The following STAG1 variants were observed in gnomAD, a reference collection of about 807,000 sequenced individuals.
The protein encoded by STAG1 is STAG1 cohesin complex component.
A neutral mutation model predicts 170.9 loss-of-function variants in STAG1; 26 were observed. The observed-to-expected ratio is 0.15, with a 90% CI of 0.11 to 0.21. The LOEUF (loss-of-function observed/expected upper bound fraction) is 0.21, where lower values mean the gene tolerates loss of function less well. Ranked by LOEUF, STAG1 falls within the 10% of genes least tolerant of loss-of-function variation. The pLI is 1.00. For synonymous variants in STAG1, 514 were observed against 497.7 expected, an observed-to-expected ratio of 1.03 and a Z score of -0.44; for missense variants, 964 against 1,509.5, an observed-to-expected ratio of 0.64 and a Z score of 5.99.
At chr3:136,565,384 T>G (rs991666145) in intron 5 of STAG1, among the ~76,000 whole-genome samples, 2 of 152,182 alleles carry the variant, frequency 1.3e-5, no homozygotes, top group Non-Finnish European at 2.9e-5. Flanking sequence ...TGTATATTTC[T>G]TCAAAGAAAA....
At chr3:136,368,373 A>T (rs1937160617) in intron 24 of STAG1, among the ~76,000 whole-genome samples, 2 of 152,204 alleles carry the variant, frequency 1.3e-5, no homozygotes, top group African/African-American at 4.8e-5. Flanking sequence ...CTGCAGGCAT[A>T]GCACAATTTT....
intron 1 of STAG1, among the ~76,000 whole-genome samples, chr3:136,650,868 T>A (rs4521165): frequency 6.6e-6 from 1 of 150,708 alleles, no homozygotes; most frequent in African/African-American, 2.4e-5. Context: ...TAAAAAAGTG[T>A]CATTAAGAGA....
At chr3:136,407,540 C>A (rs1463381885) in intron 21 of STAG1, among the ~76,000 whole-genome samples, 1 of 152,094 alleles carries the variant, frequency 6.6e-6, no homozygotes, top group Non-Finnish European at 1.5e-5. Flanking sequence ...TGGCTCACTG[C>A]AACCTCTGCC....
chr3:136,624,462 T>C (rs978146231), intron 2 of STAG1, among the ~76,000 whole-genome samples: 1 of 152,136 alleles, frequency 6.6e-6, no homozygotes, highest in African/African-American at 2.4e-5. Flanking sequence ...ACATGAAAGG[T>C]GGTTTCTATT....
chr3:136,570,159 T>C (rs753046881), intron 4 of STAG1, among the ~76,000 whole-genome samples: 5 of 152,198 alleles, frequency 3.3e-5, no homozygotes, highest in Non-Finnish European at 7.4e-5. Flanking sequence ...AAGATGAAGA[T>C]ATAAAACATT....
At chr3:136,448,703 C>A (rs1021054338) in intron 14 of STAG1, among the ~76,000 whole-genome samples, 1 of 152,138 alleles carries the variant, frequency 6.6e-6, no homozygotes, top group African/African-American at 2.4e-5. Context: ...CTTCGGGAGA[C>A]TGAGGAGGGT....
chr3:136,638,062 T>G (rs934637011), intron 1 of STAG1, among the ~76,000 whole-genome samples: 14 of 151,548 alleles, frequency 9.2e-5, no homozygotes, highest in African/African-American at 3.1e-4. Context: ...CACGCCACTA[T>G]GCCTGGCTAA....
At position 136,499,491 on chromosome 3, in the gene STAG1, C is replaced by T. The variant is rs1041227242; in HGVS notation, c.902+732G>A. On this transcript the variant is annotated intron_variant, in intron 9 of 33. Coordinates refer to ENST00000383202, the MANE Select transcript of STAG1 (RefSeq NM_005862.3). ...TATATTAATTAGCCAAATATACTCT[C>T]AAATGGGTCTGAAAACAGTGCTTCT... 1.3e-5 allele frequency among the ~76,000 whole-genome samples: 2 copies of T among 152,148 alleles called. 1 individual carries two copies. Among genetic ancestry groups the T allele is most frequent in the Non-Finnish European group, 2.9e-5 (2 of 68,018 alleles).
chr3:136,661,039 A>C (rs1941560972), intron 1 of STAG1, among the ~76,000 whole-genome samples: 2 of 152,160 alleles, frequency 1.3e-5, no homozygotes, highest in South Asian at 4.1e-4. Flanking sequence ...TCAGAAAATA[A>C]TGTATAACAA....
At chr3:136,465,072 T>A in intron 12 of STAG1, 84 bp from the exon 13 acceptor site, 1 of 991,872 alleles carries the variant, frequency 1.0e-6, no homozygotes, top group Non-Finnish European at 1.5e-6. Flanking sequence ...TAAAGTTCAT[T>A]ATAAAGCTCA....
chr3:136,393,614 G>C (rs1029020322), intron 22 of STAG1, among the ~76,000 whole-genome samples: 1 of 127,930 alleles, frequency 7.8e-6, no homozygotes, highest in African/African-American at 2.9e-5. Flanking sequence ...TTTTTTTTGA[G>C]ACAGAGTCTC....
intron 5 of STAG1, among the ~76,000 whole-genome samples, chr3:136,555,458 C>T (rs1241058216): frequency 6.6e-6 from 1 of 151,946 alleles, no homozygotes; most frequent in African/African-American, 2.4e-5. Flanking sequence ...CTAAGGCAAG[C>T]AGATCACTGG....
chr3:136,721,632 G>A (rs1367562576), intron 1 of STAG1: 3 of 152,252 alleles, frequency 2.0e-5, no homozygotes, highest in East Asian at 1.9e-4. Flanking sequence ...ACTCTCGCCT[G>A]TAATCCCAGC....
intron 1 of STAG1, among the ~76,000 whole-genome samples, chr3:136,738,481 A>C (rs1395838528): frequency 6.6e-6 from 1 of 151,978 alleles, no homozygotes; most frequent in Non-Finnish European, 1.5e-5. Context: ...ACAGAGCAAG[A>C]CTCCATATCA....
Position 136,349,363 on chromosome 3 carries a change from A to C in STAG1, c.3066T>G (p.Val1022=). 1 of 1,608,140 alleles carries C rather than the reference A, an allele frequency of 6.2e-7. No individual in the cohort carries two copies. The highest frequency in any genetic ancestry group is 8.5e-7 in the Non-Finnish European group (1 of 1,174,602). ...TAAGGAATTTCTCTAGGTATGAATG[A>C]CTAGAAACACAATAGAAACAGCAGT... The part of the protein sequence containing the change: ...SKLLRQDKKT[V]HSYLEKFLTE... Residue 1022 remains valine, a splice_region_variant and synonymous_variant, in exon 29 of 34, where the codon GTT becomes GTG. Transcript: ENST00000383202.
intron 1 of STAG1, among the ~76,000 whole-genome samples, chr3:136,708,454 TG>T (rs1006053264): frequency 3.3e-5 from 5 of 151,898 alleles, no homozygotes; most frequent in East Asian, 1.9e-4. Context: ...GCCAGGAGAC[TG>T]GGGGGGAGGG....
intron 4 of STAG1, among the ~76,000 whole-genome samples, chr3:136,591,844 T>C (rs940826898): frequency 3.9e-5 from 6 of 152,240 alleles, no homozygotes; most frequent in Non-Finnish European, 5.9e-5. Flanking sequence ...CCCTAGGGTA[T>C]CATCTTAACC....
intron 22 of STAG1, among the ~76,000 whole-genome samples, chr3:136,384,461 GAA>G (rs1261653731): frequency 3.9e-5 from 4 of 103,534 alleles, no homozygotes; most frequent in African/African-American, 7.1e-5. Context: ...AAAAGAAGAA[GAA>G]AAAAAAAAAA....
intron 5 of STAG1, among the ~76,000 whole-genome samples, chr3:136,562,354 G>A (rs969506252): frequency 6.6e-6 from 1 of 151,502 alleles, no homozygotes. Context: ...TCCGCCTCCT[G>A]GGCTCACGCG....
Sources: gnomAD v4.1 joint callset for allele counts (sites outside exome capture counted in the v4.1 genomes callset) on GRCh38, gnomAD v4.1.1 for gene constraint, MANE v1.5 for transcripts, NCBI Gene and HGNC (gene_info 2026-07-23, HGNC 2026-07-21) for gene names.